MYO16: variants seen among roughly 807,000 people sequenced by gnomAD.
MYO16 encodes the protein myosin XVI, also known as unconventional myosin-XVI.
MYO16 carries 94 observed loss-of-function variants against 205.3 expected under a neutral mutation model. That is an observed-to-expected ratio of 0.46 (90% confidence interval 0.39 to 0.54). MYO16 has a LOEUF of 0.54. Ranked by LOEUF, MYO16 falls within the 20% of genes least tolerant of loss-of-function variation. MYO16 has a pLI of 0.00. For synonymous variants in MYO16, 988 were observed against 954.0 expected, an observed-to-expected ratio of 1.04 and a Z score of -0.66; for missense variants, 2,315 against 2,387.5, an observed-to-expected ratio of 0.97 and a Z score of 0.63.
intron 8 of MYO16, 28 bp from the exon 9 acceptor site, chr13:108,823,097 T>C (rs1237631327): frequency 6.3e-7 from 1 of 1,591,916 alleles, no homozygotes; most frequent in Admixed American, 1.7e-5. Flanking sequence ...CCATCATTTT[T>C]CTGATTTTTC....
chr13:109,160,018 C>G (rs1206974330), intron 32 of MYO16, among the ~76,000 whole-genome samples: 3 of 152,218 alleles, frequency 2.0e-5, no homozygotes, highest in African/African-American at 7.2e-5. Flanking sequence ...GGCCTCAGTA[C>G]AATGGACATT....
intron 27 of MYO16, among the ~76,000 whole-genome samples, chr13:109,088,852 G>A (rs1396621595): frequency 6.6e-6 from 1 of 152,186 alleles, no homozygotes; most frequent in African/African-American, 2.4e-5. Flanking sequence ...CCCGCCGAGG[G>A]CCTCAGGTGG....
At chr13:109,177,228 C>A (rs573942792) in intron 33 of MYO16, among the ~76,000 whole-genome samples, 2 of 152,334 alleles carry the variant, frequency 1.3e-5, no homozygotes, top group East Asian at 3.9e-4. Context: ...CCCTGTTCAA[C>A]GTGACCTGTA....
chr13:108,710,403 C>T (rs1411666480), intron 2 of MYO16, among the ~76,000 whole-genome samples: 2 of 152,146 alleles, frequency 1.3e-5, no homozygotes, highest in South Asian at 2.1e-4. Flanking sequence ...ATTTGCCTCA[C>T]GTATGTTCTG....
At chr13:109,133,583 T>C (rs1876638059) in intron 31 of MYO16, among the ~76,000 whole-genome samples, 1 of 152,206 alleles carries the variant, frequency 6.6e-6, no homozygotes, top group South Asian at 2.1e-4. Context: ...AACTTTATGA[T>C]GTAATGAGAT....
At position 109,124,985 on chromosome 13, in the gene MYO16, C is replaced by A. The variant is rs573797592; in HGVS notation, c.3536-127C>A. 8.6e-6 allele frequency: 9 copies of A among 1,051,154 alleles called. No homozygotes were observed. In the East Asian group the frequency reaches 2.3e-4, roughly 27 times the overall value. The allele number at this position is 1,051,154 out of a possible 1,614,324, so 65.1% of individuals were successfully genotyped here. Reference sequence around the variant, plus strand: ...TTATCACTGCTGATTTAGATAAAGTCTTATTCTGGGTTAAATGTACCTTAT... The same window carrying A: ...TTATCACTGCTGATTTAGATAAAGTATTATTCTGGGTTAAATGTACCTTAT... On this transcript the variant is annotated intron_variant, in intron 29 of 34. Coordinates refer to ENST00000457511, the MANE Select transcript of MYO16 (RefSeq NM_001198950.3).
At chr13:108,847,403 C>G (rs1423408938) in intron 10 of MYO16, among the ~76,000 whole-genome samples, 1 of 152,270 alleles carries the variant, frequency 6.6e-6, no homozygotes, top group East Asian at 1.9e-4. Context: ...CTCATATGTT[C>G]TTGCCCACAA....
chr13:109,155,771 C>T (rs913347832), intron 32 of MYO16, among the ~76,000 whole-genome samples: 5 of 152,202 alleles, frequency 3.3e-5, no homozygotes, highest in African/African-American at 1.2e-4. Flanking sequence ...AGTGTGTCAC[C>T]TCCATGAGTT....
intron 6 of MYO16, among the ~76,000 whole-genome samples, chr13:108,798,632 T>C (rs993487253): frequency 6.6e-6 from 1 of 151,988 alleles, no homozygotes; most frequent in Non-Finnish European, 1.5e-5. Context: ...CATTGTTGTT[T>C]TATTATTTAC....
Position 108,666,283 on chromosome 13 carries a change from T to C in MYO16, c.292+134T>C, listed in dbSNP as rs559304384. On this transcript the variant is annotated intron_variant, in intron 2 of 34. Transcript: ENST00000457511. The stretch of plus-strand genomic sequence containing the variant: ...ATATTGGAGGCTACTATCTTTTAAC[T>C]GTTTGTATTATTCAAGAAAAAAATG... 5.9e-5 allele frequency: 60 copies of C among 1,023,680 alleles called. No homozygotes were observed. In the East Asian group the frequency reaches 1.5e-3, roughly 25 times the overall value. The allele number at this position is 1,023,680 out of a possible 1,614,324, so 63.4% of individuals were successfully genotyped here.
At chr13:108,554,848 T>TAAAAAAAAA in the MYO16 span, among the ~76,000 whole-genome samples, 2 of 77,968 alleles carry the variant, frequency 2.6e-5, no homozygotes, top group Non-Finnish European at 5.0e-5. Context: ...AGACTCTGAC[T>TAAAAAAAAA]AAAAAAAAAA....
Position 109,120,504 on chromosome 13 carries a change from G to A in MYO16, c.3535+38G>A, listed in dbSNP as rs778191827. 1.8e-5 allele frequency: 28 copies of A among 1,514,750 alleles called. No individual in the cohort carries two copies. In the East Asian group the frequency reaches 5.0e-4, roughly 27 times the overall value. 93.8% of individuals were successfully genotyped at this position (1,514,750 alleles called of 1,614,324 possible). ...TGCCAACATTTCTGAATTTATTTGA[G>A]TTGTGAAATGCAAAATCTTTTAGTG... On this transcript the variant is annotated intron_variant, in intron 29 of 34. Coordinates refer to ENST00000457511, the MANE Select transcript of MYO16 (RefSeq NM_001198950.3).
chr13:108,851,564 A>G (rs1226631541), intron 10 of MYO16, among the ~76,000 whole-genome samples: 1 of 152,168 alleles, frequency 6.6e-6, no homozygotes, highest in Non-Finnish European at 1.5e-5. Context: ...GACTGCGTAA[A>G]AATTATCCAT....
chr13:108,736,983 A>AT (rs1884725818), intron 4 of MYO16, among the ~76,000 whole-genome samples: 1 of 152,090 alleles, frequency 6.6e-6, no homozygotes, highest in South Asian at 2.1e-4. Context: ...TTGCACATTG[A>AT]TTTTGTATCC....
chr13:108,541,802 CA>C, the MYO16 span, among the ~76,000 whole-genome samples: 1 of 151,972 alleles, frequency 6.6e-6, no homozygotes, highest in Non-Finnish European at 1.5e-5. Context: ...ATTAAAAAGT[CA>C]AAAAATAACA....
intron 2 of MYO16, among the ~76,000 whole-genome samples, chr13:108,679,696 C>A (rs1343289222): frequency 1.4e-5 from 2 of 142,902 alleles, no homozygotes; most frequent in African/African-American, 2.6e-5. Context: ...CCTAAATGTA[C>A]TGTTCTTGGT....
chr13:109,101,389 G>C (rs1888962514), intron 28 of MYO16: 1 of 153,068 alleles, frequency 6.5e-6, no homozygotes, highest in Non-Finnish European at 1.5e-5. Context: ...ACCATCCTTT[G>C]AAGCCCATTT....
At chr13:109,192,766 T>C (rs1157269324) in intron 34 of MYO16, among the ~76,000 whole-genome samples, 1 of 152,178 alleles carries the variant, frequency 6.6e-6, no homozygotes, top group Non-Finnish European at 1.5e-5. Context: ...TGAAAGGTCA[T>C]CCACTCATCA....
At chr13:108,535,536 A>G in the MYO16 span, among the ~76,000 whole-genome samples, 1 of 152,220 alleles carries the variant, frequency 6.6e-6, no homozygotes, top group South Asian at 2.1e-4. Context: ...TTTGAAAAAT[A>G]TTATTTGAAA....
Sources: allele counts gnomAD v4.1 joint callset (sites outside exome capture counted in the v4.1 genomes callset), GRCh38; gene constraint gnomAD v4.1.1; transcripts MANE v1.5; gene names NCBI Gene and HGNC (gene_info 2026-07-23, HGNC 2026-07-21).